The following GBE1 variants were observed in gnomAD, a reference collection of about 807,000 sequenced individuals.
GBE1 encodes the protein 1,4-alpha-glucan-branching enzyme.
Under a neutral mutation model 88.8 loss-of-function variants are expected in GBE1, and 70 were observed. The ratio of observed to expected loss-of-function variants is 0.79; its 90% CI spans 0.65 to 0.96. The LOEUF (loss-of-function observed/expected upper bound fraction) is 0.96, where lower values mean the gene tolerates loss of function less well. GBE1 is among the 40% of genes least tolerant of loss of function. The pLI is 0.00. For synonymous variants in GBE1, 284 were observed against 300.1 expected (o/e 0.95, Z 0.56); for missense variants, 872 against 871.0 (o/e 1.00, Z -0.01).
intron 2 of GBE1, among the ~76,000 whole-genome samples, chr3:81,671,312 G>A (rs1705186286): frequency 1.3e-5 from 2 of 152,010 alleles, no homozygotes; most frequent in Non-Finnish European, 2.9e-5. Flanking sequence ...ACAAACAAAT[G>A]TACATGCCAT....
chr3:81,728,689 GA>G (rs1706144638), intron 1 of GBE1, among the ~76,000 whole-genome samples: 1 of 151,872 alleles, frequency 6.6e-6, no homozygotes, highest in Non-Finnish European at 1.5e-5. Context: ...AGAAGAAAAG[GA>G]AAAAGAAAGA....
intron 12 of GBE1, among the ~76,000 whole-genome samples, chr3:81,541,949 TA>T (rs1703147732): frequency 1.3e-5 from 2 of 152,124 alleles, no homozygotes; most frequent in African/African-American, 4.8e-5. Flanking sequence ...ATTTATTAAG[TA>T]ATCCACTCAT....
chr3:81,590,038 C>T (rs1018680760), intron 9 of GBE1, among the ~76,000 whole-genome samples: 1 of 151,954 alleles, frequency 6.6e-6, no homozygotes, highest in Non-Finnish European at 1.5e-5. Flanking sequence ...TTTAGGGCTA[C>T]TGCTTTATTC....
chr3:81,492,517 C>T (rs1702450346), intron 15 of GBE1, among the ~76,000 whole-genome samples: 2 of 152,006 alleles, frequency 1.3e-5, no homozygotes, highest in African/African-American at 4.8e-5. Flanking sequence ...TCCCTCCCTA[C>T]ATCTTAGCAA....
chr3:81,720,358 G>GTA (rs1181646331), intron 1 of GBE1, among the ~76,000 whole-genome samples: 1 of 146,552 alleles, frequency 6.8e-6, no homozygotes, highest in Non-Finnish European at 1.5e-5. Context: ...ATGTGTGTGT[G>GTA]TGTGTATATA....
chr3:81,643,047 G>T, intron 6 of GBE1, 57 bp from the exon 7 acceptor site: 1 of 1,147,038 alleles, frequency 8.7e-7, no homozygotes, highest in Non-Finnish European at 1.3e-6. Context: ...GGAAACAGCC[G>T]ATTGTGCAGC....
rs747801747 is a variant in GBE1, at chr3:81,594,037, G to GAAAT, written c.993-18_993-15dup. On this transcript the variant is annotated splice_polypyrimidine_tract_variant and intron_variant, in intron 7 of 15. Transcript: ENST00000429644. ...AAAATTTCCCAGCTAAAATATAAGA[G>GAAAT]AAATATGTATTTAAGCAAAATGTGA... 2 of 1,279,668 alleles carry GAAAT rather than the reference G, an allele frequency of 1.6e-6. No individual in the cohort carries two copies. Among genetic ancestry groups the GAAAT allele is most frequent in the South Asian group, 2.6e-5 (2 of 76,652 alleles). 79.3% of individuals were successfully genotyped at this position (1,279,668 alleles called of 1,614,324 possible).
intron 1 of GBE1, among the ~76,000 whole-genome samples, chr3:81,755,443 G>A (rs558035988): frequency 1.3e-5 from 2 of 152,062 alleles, no homozygotes; most frequent in Admixed American, 1.3e-4. Context: ...ATATGACTAT[G>A]ATATAATCCA....
chr3:81,571,811 G>A (rs886727876), intron 12 of GBE1, among the ~76,000 whole-genome samples: 2 of 152,026 alleles, frequency 1.3e-5, no homozygotes, highest in African/African-American at 4.8e-5. Flanking sequence ...AAACCAGGGT[G>A]GAAAACAAAA....
chr3:81,523,733 G>A (rs1170179430), intron 14 of GBE1, among the ~76,000 whole-genome samples: 2 of 151,634 alleles, frequency 1.3e-5, no homozygotes, highest in African/African-American at 2.4e-5. Flanking sequence ...TTCCATAAAT[G>A]AGTGAAAACA....
intron 9 of GBE1, among the ~76,000 whole-genome samples, chr3:81,589,982 G>A (rs1202478370): frequency 6.6e-6 from 1 of 151,964 alleles, no homozygotes; most frequent in African/African-American, 2.4e-5. Context: ...AAATTGTATG[G>A]TAGGTTGTTT....
At chr3:81,623,669 C>T (rs895532538) in intron 7 of GBE1, among the ~76,000 whole-genome samples, 6 of 152,038 alleles carry the variant, frequency 3.9e-5, no homozygotes, top group East Asian at 1.9e-4. Flanking sequence ...TCTGAGACAG[C>T]GTTTCACTCT....
intron 7 of GBE1, among the ~76,000 whole-genome samples, chr3:81,627,713 C>T (rs1704437230): frequency 6.7e-6 from 1 of 148,660 alleles, no homozygotes; most frequent in South Asian, 2.1e-4. Flanking sequence ...TTATAATATG[C>T]CAAGAACTGT....
intron 3 of GBE1, among the ~76,000 whole-genome samples, chr3:81,664,891 A>G (rs975306766): frequency 1.2e-4 from 19 of 152,224 alleles, no homozygotes; most frequent in African/African-American, 4.1e-4. Context: ...AACCTTGTTT[A>G]ATATAAGTAT....
chr3:81,592,457 T>C (rs540553543), intron 8 of GBE1, among the ~76,000 whole-genome samples: 2 of 152,254 alleles, frequency 1.3e-5, no homozygotes, highest in African/African-American at 2.4e-5. Context: ...GACCTCCTGA[T>C]AAATTTCCCT....
At chr3:81,536,530 T>C (rs1486317114) in intron 13 of GBE1, among the ~76,000 whole-genome samples, 3 of 151,946 alleles carry the variant, frequency 2.0e-5, no homozygotes, top group Admixed American at 2.0e-4. Flanking sequence ...TTACATGTTG[T>C]CAAAGTAGTT....
intron 12 of GBE1, among the ~76,000 whole-genome samples, chr3:81,562,352 A>G (rs760093119): frequency 1.3e-5 from 2 of 152,110 alleles, no homozygotes; most frequent in Non-Finnish European, 2.9e-5. Flanking sequence ...TGGATGAATG[A>G]CTGTAGTTAG....
At chr3:81,504,996 G>A (rs1161274148) in intron 14 of GBE1, among the ~76,000 whole-genome samples, 1 of 152,114 alleles carries the variant, frequency 6.6e-6, no homozygotes, top group Non-Finnish European at 1.5e-5. Context: ...CTATAACGAT[G>A]GCAGAGCGGG....
intron 4 of GBE1, 109 bp downstream of exon 4, chr3:81,649,687 C>T (rs1704817395): frequency 2.5e-6 from 2 of 804,106 alleles, no homozygotes; most frequent in African/African-American, 1.8e-5. Context: ...AAATACGCAA[C>T]TGTCAGTGAA....
Sources: gnomAD v4.1 joint callset for allele counts (sites outside exome capture counted in the v4.1 genomes callset) on GRCh38, gnomAD v4.1.1 for gene constraint, MANE v1.5 for transcripts, NCBI Gene and HGNC (gene_info 2026-07-23, HGNC 2026-07-21) for gene names.